The following MACF1 variants were observed in gnomAD, a reference collection of about 807,000 sequenced individuals.
MACF1 encodes the protein microtubule actin crosslinking factor 1.
In MACF1, 193 loss-of-function variants were observed where a neutral mutation model predicts 854.8. That is an observed-to-expected ratio of 0.23 (90% CI 0.20 to 0.25). The LOEUF is 0.25. Among genes scored for constraint, MACF1 ranks in the 10% least tolerant of loss-of-function variants. The pLI is 1.00. For synonymous variants in MACF1, 3,185 were observed against 3,226.7 expected (o/e 0.99, Z 0.44); for missense variants, 7,722 against 8,929.1 (o/e 0.86, Z 5.45).
rs755906555 is a variant in MACF1 at position 39,324,275 on chromosome 1, C to G, written c.4319C>G (p.Thr1440Arg). 2.0e-5 allele frequency: 32 copies of G among 1,613,710 alleles called. No individual in the cohort carries two copies. Among genetic ancestry groups the G allele is most frequent in the South Asian group, 6.6e-5 (6 of 91,068 alleles). Reference protein sequence around the residue: ...LGWVSTLARNTQGKATSSETK... With the variant: ...LGWVSTLARNRQGKATSSETK... ...TGGGTGTCTACCCTAGCGAGGAATACACAAGGAAAAGCTACCTCATCCGAG... is the reference window on the plus strand; with the variant it reads ...TGGGTGTCTACCCTAGCGAGGAATAGACAAGGAAAAGCTACCTCATCCGAG... Residue 1440 changes from threonine (T) to arginine (R), a missense_variant, in exon 34 of 101, where the codon ACA becomes AGA. Thr to Arg is a moderately conservative substitution (Grantham distance 71). Transcript: ENST00000564288.
intron 84 of MACF1, 111 bp from the exon 85 acceptor site, chr1:39,450,941 A>C: frequency 8.3e-7 from 1 of 1,210,230 alleles, no homozygotes; most frequent in Non-Finnish European, 1.2e-6. Context: ...TCTAACATAG[A>C]AGTCACTCTC....
At chr1:39,454,793 C>T (rs572847577) in intron 88 of MACF1, 116 bp from the exon 89 acceptor site, 17 of 902,868 alleles carry the variant, frequency 1.9e-5, no homozygotes, top group Non-Finnish European at 2.7e-5. Context: ...GAGCGAGAGT[C>T]TGTCTCCAAA....
intron 1 of MACF1, among the ~76,000 whole-genome samples, chr1:39,228,381 G>A (rs1644741151): frequency 6.6e-6 from 1 of 152,076 alleles, no homozygotes; most frequent in African/African-American, 2.4e-5. Context: ...GAGATGAAGA[G>A]GAAGAGAAGT....
chr1:39,395,130 A>G (rs1332155340), intron 58 of MACF1, among the ~76,000 whole-genome samples: 1 of 152,148 alleles, frequency 6.6e-6, no homozygotes, highest in Non-Finnish European at 1.5e-5. Context: ...CACTATCAAC[A>G]TTTTGGACTG....
chr1:39,368,852 T>C (rs1648973396), intron 50 of MACF1, among the ~76,000 whole-genome samples: 1 of 151,984 alleles, frequency 6.6e-6, no homozygotes, highest in East Asian at 1.9e-4. Context: ...ATGAGTTCCC[T>C]CTCTTTGTGA....
rs767028712 is a variant in MACF1, at chr1:39,357,539, C to T, written c.11589C>T (p.Ala3863=). 1 of 1,614,068 alleles carries T rather than the reference C, an allele frequency of 6.2e-7. No individual in the cohort carries two copies. The highest frequency in any genetic ancestry group is 1.1e-5 in the South Asian group (1 of 91,064). ...ELKEQYSTSL[A]QSEAELKQVQ... ...AGGAACAATACTCTACTTCCCTGGC[C>T]CAATCAGAGGCAGAACTGAAGCAGG... is the stretch of plus-strand genomic sequence containing the variant. Residue 3863 remains alanine, a synonymous_variant, in exon 45 of 101, where the codon GCC becomes GCT. Coordinates refer to ENST00000564288, the MANE Select transcript of MACF1 (RefSeq NM_001394062.1).
intron 1 of MACF1, among the ~76,000 whole-genome samples, chr1:39,226,342 ATT>A (rs5773656): frequency 3.9e-4 from 55 of 142,106 alleles, no homozygotes; most frequent in Admixed American, 4.2e-4. Flanking sequence ...TATGGATAGT[ATT>A]TTTTTTTTTT....
Position 39,334,955 on chromosome 1 carries a change from A to C in MACF1, c.8367A>C (p.Leu2789=). Residue 2789 remains leucine, a synonymous_variant, in exon 37 of 101, where the codon CTA becomes CTC. Transcript: ENST00000564288. ...TGTGTGCATTACAAAATGAATTTCT[A>C]GGAAAGGATATGTTAATTGCTTGTA... is the stretch of plus-strand genomic sequence containing the variant. ...IEVCALQNEF[L]GKDMLIACNQ... is the part of the protein sequence containing the mutation. 3 of 1,614,178 alleles carry C rather than the reference A, an allele frequency of 1.9e-6. No homozygotes were observed. Among genetic ancestry groups the C allele is most frequent in the Non-Finnish European group, 2.5e-6 (3 of 1,180,004 alleles).
At chr1:39,094,194 C>T (rs1056991971) in intron 2 of MACF1, among the ~76,000 whole-genome samples, 4 of 152,002 alleles carry the variant, frequency 2.6e-5, no homozygotes, top group African/African-American at 9.7e-5. Context: ...CCTGTAATCC[C>T]AGCATTTTGA....
intron 2 of MACF1, among the ~76,000 whole-genome samples, chr1:39,121,405 T>C (rs1642707098): frequency 6.6e-6 from 1 of 152,148 alleles, no homozygotes. Context: ...CTAATATATA[T>C]TGAGTCCTTA....
At chr1:39,383,931 A>T (rs999701268) in intron 56 of MACF1, among the ~76,000 whole-genome samples, 8 of 152,228 alleles carry the variant, frequency 5.3e-5, no homozygotes, top group African/African-American at 1.7e-4. Context: ...TTTCTGGCTT[A>T]ATAGGCTATT....
intron 40 of MACF1, among the ~76,000 whole-genome samples, chr1:39,343,033 C>T (rs1053262803): frequency 3.9e-5 from 6 of 152,168 alleles, no homozygotes; most frequent in African/African-American, 1.4e-4. Context: ...GTTGACCCCC[C>T]TGCTCTAGAG....
intron 15 of MACF1, among the ~76,000 whole-genome samples, chr1:39,289,693 CTTTTTTTT>C (rs58188740): frequency 4.5e-4 from 13 of 28,940 alleles, no homozygotes; most frequent in South Asian, 2.1e-3. Flanking sequence ...GTGGGTTGTC[CTTTTTTTT>C]TTTTTTTTTT....
At chr1:39,167,498 G>A (rs976609215) in intron 2 of MACF1, among the ~76,000 whole-genome samples, 12 of 152,034 alleles carry the variant, frequency 7.9e-5, no homozygotes, top group South Asian at 2.1e-4. Context: ...CCTGAAGTCA[G>A]GAGTTCAAGA....
rs971415063 is a variant in MACF1 at position 39,468,882 on chromosome 1, CAG to C, written c.21889+151_21889+152del. The C allele has an allele frequency of 4.0e-5, 28 of 696,870 alleles. No individual in the cohort carries two copies. In the Admixed American group the frequency reaches 5.5e-4, roughly 14 times the overall value. The allele number at this position is 696,870 out of a possible 1,614,324, so 43.2% of individuals were successfully genotyped here. A position where few individuals can be genotyped will look rare whatever the true frequency, so the allele number is the denominator to read the frequency against. On this transcript the variant is annotated intron_variant, in intron 96 of 100. Transcript: ENST00000564288. ...CATCCCACTAGCACAGATTAGAACT[CAG>C]GGGTGCCAGCATAGGCCAGGGAGAA...
chr1:39,412,252 G>A, intron 58 of MACF1: 2 of 1,613,958 alleles, frequency 1.2e-6, no homozygotes, highest in Non-Finnish European at 1.7e-6. Flanking sequence ...ACTAACAGAT[G>A]TTACCTCAGG....
intron 14 of MACF1, among the ~76,000 whole-genome samples, chr1:39,286,652 A>C (rs1645650140): frequency 6.6e-6 from 1 of 151,840 alleles, no homozygotes. Context: ...TTTTTAGTAG[A>C]GACGGGGTTT....
intron 97 of MACF1, 21 bp from the exon 98 acceptor site, chr1:39,479,777 G>T: frequency 1.3e-6 from 2 of 1,599,612 alleles, no homozygotes; most frequent in Non-Finnish European, 1.7e-6. Flanking sequence ...GACATTGTGT[G>T]TGTGTTTATT....
chr1:39,410,146 G>T, intron 58 of MACF1: 1 of 677,462 alleles, frequency 1.5e-6, no homozygotes. Context: ...GAGGGCAGAT[G>T]CAATTGGTGG....
Sources: gnomAD v4.1 joint callset for allele counts (sites outside exome capture counted in the v4.1 genomes callset) on GRCh38, gnomAD v4.1.1 for gene constraint, MANE v1.5 for transcripts, NCBI Gene and HGNC (gene_info 2026-07-23, HGNC 2026-07-21) for gene names.